COMMD1: variants seen among roughly 807,000 people sequenced by gnomAD.
The protein encoded by COMMD1 is COMM domain-containing protein 1.
A neutral mutation model predicts 17.2 loss-of-function variants in COMMD1; 10 were observed. The observed-to-expected ratio is 0.58, with a 90% CI of 0.36 to 0.99. The LOEUF (loss-of-function observed/expected upper bound fraction) is 0.99, where lower values mean the gene tolerates loss of function less well. COMMD1 is among the 50% of genes least tolerant of loss of function. COMMD1 has a pLI of 0.01. For missense variants in COMMD1, 270 were observed against 231.8 expected, an observed-to-expected ratio of 1.17 and a Z score of -1.07; for synonymous variants, 97 against 91.6, an observed-to-expected ratio of 1.06 and a Z score of -0.34.
intron 2 of COMMD1, among the ~76,000 whole-genome samples, chr2:62,001,405 C>T (rs1436189200): frequency 6.6e-6 from 1 of 152,184 alleles, no homozygotes; most frequent in Non-Finnish European, 1.5e-5. Flanking sequence ...TCTTAATTTA[C>T]ATTAATACAT....
intron 1 of COMMD1, among the ~76,000 whole-genome samples, chr2:61,945,472 A>C (rs1670881029): frequency 6.6e-6 from 1 of 152,228 alleles, no homozygotes; most frequent in Non-Finnish European, 1.5e-5. Flanking sequence ...TCAAGCTGGT[A>C]CCAAGCACCA....
chr2:61,905,333 G>T (rs1669742937), upstream of COMMD1, among the ~76,000 whole-genome samples: 1 of 152,228 alleles, frequency 6.6e-6, no homozygotes, highest in Non-Finnish European at 1.5e-5. Context: ...GTCCTGGAAT[G>T]AGATACAGCC....
intron 1 of COMMD1, among the ~76,000 whole-genome samples, chr2:61,966,207 G>C (rs1573010426): frequency 6.6e-6 from 1 of 151,994 alleles, no homozygotes; most frequent in Non-Finnish European, 1.5e-5. Flanking sequence ...CAGATTTGGG[G>C]CTTGGTTTAC....
intron 1 of COMMD1, among the ~76,000 whole-genome samples, chr2:61,945,023 G>C (rs1670870722): frequency 6.6e-6 from 1 of 152,176 alleles, no homozygotes. Flanking sequence ...ATTCAGATTT[G>C]GCCAAGTCGG....
intron 1 of COMMD1, among the ~76,000 whole-genome samples, chr2:61,965,560 G>A (rs960657975): frequency 6.6e-6 from 1 of 152,208 alleles, no homozygotes; most frequent in African/African-American, 2.4e-5. Context: ...TAAAAATTCG[G>A]TGATCACGAC....
At chr2:61,996,336 GT>G (rs1340633142) in intron 1 of COMMD1, among the ~76,000 whole-genome samples, 2 of 151,778 alleles carry the variant, frequency 1.3e-5, no homozygotes, top group African/African-American at 2.4e-5. Context: ...GTGTGTGTGT[GT>G]GTGTGTGTGT....
chr2:62,096,121 A>C (rs577062349), intron 2 of COMMD1, among the ~76,000 whole-genome samples: 1 of 152,080 alleles, frequency 6.6e-6, no homozygotes, highest in Admixed American at 6.6e-5. Flanking sequence ...TAAAAATGTA[A>C]TGTCATTCCT....
chr2:61,906,872 A>C (rs1669786632), intron 1 of COMMD1, among the ~76,000 whole-genome samples: 1 of 152,094 alleles, frequency 6.6e-6, no homozygotes, highest in Non-Finnish European at 1.5e-5. Flanking sequence ...ATCCTTTTGA[A>C]TTTGCTATTT....
chr2:62,061,332 T>C (rs772292472), intron 2 of COMMD1, among the ~76,000 whole-genome samples: 1 of 152,148 alleles, frequency 6.6e-6, no homozygotes, highest in Non-Finnish European at 1.5e-5. Context: ...CTGAGAAATG[T>C]TGATTTTTTT....
chr2:61,929,229 C>G (rs893015544), intron 1 of COMMD1, among the ~76,000 whole-genome samples: 2 of 152,316 alleles, frequency 1.3e-5, no homozygotes, highest in South Asian at 2.1e-4. Context: ...CTTATCAAAG[C>G]AGGAGATGTG....
At chr2:62,080,154 A>G (rs1395974771) in intron 2 of COMMD1, among the ~76,000 whole-genome samples, 1 of 152,102 alleles carries the variant, frequency 6.6e-6, no homozygotes. Flanking sequence ...GAAAACCAGA[A>G]TGAAGATGAA....
intron 1 of COMMD1, among the ~76,000 whole-genome samples, chr2:61,951,842 G>A (rs982226152): frequency 5.3e-5 from 8 of 152,162 alleles, no homozygotes; most frequent in African/African-American, 1.9e-4. Context: ...TTTTGTCACT[G>A]TAGATTTGTT....
intron 2 of COMMD1, among the ~76,000 whole-genome samples, chr2:62,110,943 A>G (rs896570222): frequency 1.3e-5 from 2 of 152,120 alleles, no homozygotes; most frequent in South Asian, 2.1e-4. Context: ...TCTCTGAAAC[A>G]AAAAAAGAGT....
intron 2 of COMMD1, among the ~76,000 whole-genome samples, chr2:62,112,454 T>G (rs1168408820): frequency 6.6e-6 from 1 of 152,246 alleles, no homozygotes; most frequent in Non-Finnish European, 1.5e-5. Flanking sequence ...CATGACTGTT[T>G]GTCACTATTA....
At chr2:61,906,209 C>G (rs189071102) in intron 1 of COMMD1, among the ~76,000 whole-genome samples, 11 of 152,226 alleles carry the variant, frequency 7.2e-5, no homozygotes, top group Admixed American at 1.3e-4. Context: ...GCTAGCTTTC[C>G]CCGGTTGTGG....
intron 2 of COMMD1, among the ~76,000 whole-genome samples, chr2:62,085,875 C>T (rs914709905): frequency 2.6e-5 from 4 of 151,942 alleles, no homozygotes; most frequent in East Asian, 2.0e-4. Flanking sequence ...CTACTCAGGA[C>T]GCTGAGGCAG....
intron 2 of COMMD1, among the ~76,000 whole-genome samples, chr2:62,068,935 C>G (rs944598338): frequency 3.9e-5 from 6 of 152,034 alleles, no homozygotes; most frequent in Non-Finnish European, 8.8e-5. Context: ...GCCACCAGGC[C>G]TAGCAGTGGT....
intron 2 of COMMD1, among the ~76,000 whole-genome samples, chr2:62,075,610 C>T (rs1671316781): frequency 6.6e-6 from 1 of 152,054 alleles, no homozygotes; most frequent in Non-Finnish European, 1.5e-5. Context: ...CATGAGTTTC[C>T]CAAATGAATT....
chr2:61,897,857 T>C (rs116133182), intron 1 of COMMD1, among the ~76,000 whole-genome samples: 2,617 of 152,272 alleles, frequency 0.017, 82 homozygotes, highest in African/African-American at 0.059. Context: ...GGTTCCATTC[T>C]TGCTATACTA....
Sources: allele counts gnomAD v4.1 joint callset (sites outside exome capture counted in the v4.1 genomes callset), GRCh38; gene constraint gnomAD v4.1.1; transcripts MANE v1.5; gene names NCBI Gene and HGNC (gene_info 2026-07-23, HGNC 2026-07-21).